The following COL22A1 variants were observed in gnomAD, a reference collection of about 807,000 sequenced individuals.
The protein encoded by COL22A1 is collagen alpha-1(XXII) chain.
Under a neutral mutation model 248.9 loss-of-function variants are expected in COL22A1, and 221 were observed. The ratio of observed to expected loss-of-function variants is 0.89; its 90% CI spans 0.80 to 0.99. The LOEUF (loss-of-function observed/expected upper bound fraction) is 0.99, where lower values mean the gene tolerates loss of function less well. COL22A1 is among the 50% of genes least tolerant of loss of function. The probability of loss-of-function intolerance (pLI) is 0.00; values close to 1 mark genes in which losing one functional copy is unlikely to be tolerated. For missense variants in COL22A1, 2,240 were observed against 2,179.0 expected (o/e 1.03, Z -0.56); for synonymous variants, 891 against 793.4 (o/e 1.12, Z -2.07).
At chr8:138,866,679 G>A (rs374167835) in intron 3 of COL22A1, among the ~76,000 whole-genome samples, 1 of 152,232 alleles carries the variant, frequency 6.6e-6, no homozygotes, top group South Asian at 2.1e-4. Flanking sequence ...GATGTGGCTG[G>A]TACAAGGCCC....
chr8:138,734,819 T>A (rs1278436364), intron 23 of COL22A1, among the ~76,000 whole-genome samples: 1 of 152,166 alleles, frequency 6.6e-6, no homozygotes, highest in African/African-American at 2.4e-5. Context: ...AGGTAGCATA[T>A]GGAAAACTAT....
chr8:138,874,554 G>A (rs770491015), intron 3 of COL22A1, among the ~76,000 whole-genome samples: 3 of 152,158 alleles, frequency 2.0e-5, no homozygotes, highest in Non-Finnish European at 2.9e-5. Flanking sequence ...CAGTGAGACC[G>A]AGTGCCAGGC....
At chr8:138,683,258 C>T (rs547454139) in intron 39 of COL22A1, among the ~76,000 whole-genome samples, 4 of 152,292 alleles carry the variant, frequency 2.6e-5, no homozygotes, top group African/African-American at 9.6e-5. Context: ...GTAAGAAACT[C>T]AGCAGACATG....
chr8:138,594,260 GGC>G, intron 62 of COL22A1, 61 bp from the exon 63 acceptor site: 3 of 1,459,952 alleles, frequency 2.1e-6, no homozygotes, highest in Non-Finnish European at 9.2e-7. Context: ...AGGACAGGAT[GGC>G]TACTCACTGA....
intron 21 of COL22A1, among the ~76,000 whole-genome samples, chr8:138,751,753 C>G (rs1157952913): frequency 6.6e-6 from 1 of 152,200 alleles, no homozygotes; most frequent in Admixed American, 6.5e-5. Context: ...GTACTTTATA[C>G]TGAGTACTGT....
intron 49 of COL22A1, among the ~76,000 whole-genome samples, chr8:138,631,465 C>T (rs1286831948): frequency 1.3e-5 from 2 of 152,120 alleles, no homozygotes; most frequent in Non-Finnish European, 2.9e-5. Flanking sequence ...TAATATCAGG[C>T]AACATTTCAG....
intron 3 of COL22A1, among the ~76,000 whole-genome samples, chr8:138,859,580 A>T (rs1027991587): frequency 1.3e-5 from 2 of 152,016 alleles, no homozygotes; most frequent in African/African-American, 4.8e-5. Flanking sequence ...CAGCCACAAA[A>T]CAGAGCTGTC....
At chr8:138,873,278 A>G (rs574361988) in intron 3 of COL22A1, among the ~76,000 whole-genome samples, 111 of 152,296 alleles carry the variant, frequency 7.3e-4, no homozygotes, top group Middle Eastern at 3.4e-3. Flanking sequence ...TGAATGCATT[A>G]AATATTTCCA....
chr8:138,715,643 T>A (rs1281716991), intron 30 of COL22A1, 39 bp downstream of exon 30: 3 of 1,441,450 alleles, frequency 2.1e-6, no homozygotes, highest in Non-Finnish European at 1.9e-6. Flanking sequence ...ACCCAACTAA[T>A]AATAATTGAT....
chr8:138,652,384 T>C (rs142740848), intron 45 of COL22A1, among the ~76,000 whole-genome samples: 33 of 152,360 alleles, frequency 2.2e-4, no homozygotes, highest in African/African-American at 6.0e-4. Context: ...AGTGAAAGCA[T>C]AGTGACTTTT....
At chr8:138,765,735 T>C (rs552668760) in intron 16 of COL22A1, among the ~76,000 whole-genome samples, 1 of 152,326 alleles carries the variant, frequency 6.6e-6, no homozygotes, top group East Asian at 1.9e-4. Context: ...GCTGTCTGTC[T>C]TGCAGACGGC....
chr8:138,691,447 GTA>G (rs377745579), intron 35 of COL22A1, among the ~76,000 whole-genome samples: 24 of 151,686 alleles, frequency 1.6e-4, no homozygotes, highest in African/African-American at 5.8e-4. Context: ...GAAGGTGTGT[GTA>G]TGTGTGTACG....
intron 30 of COL22A1, among the ~76,000 whole-genome samples, chr8:138,706,054 T>C (rs1412539736): frequency 1.3e-5 from 2 of 152,288 alleles, no homozygotes; most frequent in African/African-American, 4.8e-5. Flanking sequence ...CATTACATAA[T>C]AGTAGAGGGA....
intron 1 of COL22A1, among the ~76,000 whole-genome samples, chr8:138,890,824 G>C (rs1308287596): frequency 6.6e-6 from 1 of 151,620 alleles, no homozygotes; most frequent in Admixed American, 6.6e-5. Flanking sequence ...ACCAGCATGG[G>C]CAACATGGTG....
chr8:138,670,523 A>C, intron 41 of COL22A1, among the ~76,000 whole-genome samples: 1 of 152,132 alleles, frequency 6.6e-6, no homozygotes, highest in Admixed American at 6.5e-5. Context: ...AGCCAGCCTA[A>C]TTCTTGGGAC....
chr8:138,598,971 T>A, intron 60 of COL22A1, 73 bp from the exon 61 acceptor site: 1 of 1,507,272 alleles, frequency 6.6e-7, no homozygotes, highest in South Asian at 1.2e-5. Flanking sequence ...GCAAAAGGGG[T>A]TCCCCCAGTC....
At chr8:138,821,448 TG>T (rs758897170) in intron 6 of COL22A1, 37 bp from the exon 7 acceptor site, 9 of 1,594,168 alleles carry the variant, frequency 5.6e-6, no homozygotes, top group Admixed American at 5.0e-5. Flanking sequence ...TTGAGCTTCT[TG>T]GGGCCAAGGG....
chr8:138,714,208 AC>A (rs1480373020), intron 30 of COL22A1, among the ~76,000 whole-genome samples: 2 of 152,162 alleles, frequency 1.3e-5, no homozygotes, highest in African/African-American at 2.4e-5. Flanking sequence ...ATGCAGTCCC[AC>A]CCGTGGTTCT....
chr8:138,710,702 C>T (rs1828891504), intron 30 of COL22A1, among the ~76,000 whole-genome samples: 1 of 151,984 alleles, frequency 6.6e-6, no homozygotes, highest in Non-Finnish European at 1.5e-5. Context: ...AATGGCCGAA[C>T]CTGGTTTTAA....
Sources: allele counts gnomAD v4.1 joint callset (sites outside exome capture counted in the v4.1 genomes callset), GRCh38; gene constraint gnomAD v4.1.1; transcripts MANE v1.5; gene names NCBI Gene and HGNC (gene_info 2026-07-23, HGNC 2026-07-21).